TGFBR3: variants seen among roughly 807,000 people sequenced by gnomAD.
TGFBR3 encodes the protein transforming growth factor beta receptor type 3.
TGFBR3 carries 46 observed loss-of-function variants against 87.9 expected under a neutral mutation model. The ratio of observed to expected loss-of-function variants is 0.52; its 90% CI spans 0.41 to 0.67. TGFBR3 has a LOEUF of 0.67. TGFBR3 is among the 30% of genes least tolerant of loss of function. The pLI is 0.00. For missense variants in TGFBR3, 866 were observed against 1,041.9 expected, an observed-to-expected ratio of 0.83 and a Z score of 2.32; for synonymous variants, 381 against 391.6, an observed-to-expected ratio of 0.97 and a Z score of 0.32.
At chr1:91,749,294 A>T (rs284172) in intron 4 of TGFBR3, among the ~76,000 whole-genome samples, 131,457 of 152,094 alleles carry the variant, frequency 0.86, 57,000 homozygotes, top group African/African-American at 0.93. Context: ...GGCAGACGGA[A>T]GACCCCCTGA....
chr1:91,719,874 TG>T lies in TGFBR3; in HGVS notation c.1413+18del. 1 of 1,613,744 alleles carries T rather than the reference TG, an allele frequency of 6.2e-7. No individual in the cohort carries two copies. The highest frequency in any genetic ancestry group is 8.5e-7 in the Non-Finnish European group (1 of 1,179,628). ...AAAGGAGGTAGCCTCTCTTCCCTCC[TG>T]TAATCAGCTGCACCGACCTGAAAAG... On this transcript the variant is annotated intron_variant, in intron 9 of 16. Transcript: ENST00000212355.
chr1:91,702,499 A>C (rs1671656093), intron 14 of TGFBR3, among the ~76,000 whole-genome samples: 1 of 152,086 alleles, frequency 6.6e-6, no homozygotes, highest in Non-Finnish European at 1.5e-5. Context: ...ACAAAAAATA[A>C]AATAAAATAA....
At position 91,896,368 on chromosome 1, in the gene TGFBR3, G is replaced by A. The variant is rs539646811; in HGVS notation, c.-114+3269C>T. The stretch of plus-strand genomic sequence containing the variant: ...AATGTTTGCAACAACCATGAAGAGA[G>A]ATGCACCTCTAGGGCTCAATGAGAG... On this transcript the variant is annotated intron_variant, in intron 2 of 17. Transcript: ENST00000370399. Among the ~76,000 whole-genome samples the A allele has an allele frequency of 3.9e-5, 6 of 152,330 alleles. No individual in the cohort carries two copies. The East Asian group carries it at 1.2e-3, about 29-fold the overall frequency.
At chr1:91,863,772 T>TA (rs1678282794) in intron 1 of TGFBR3, 3 of 152,226 alleles carry the variant, frequency 2.0e-5, no homozygotes, top group Non-Finnish European at 4.4e-5. Context: ...ACAACGGTCT[T>TA]GTCTCAAAAG....
chr1:91,790,100 AAG>A (rs1243406577), intron 3 of TGFBR3, among the ~76,000 whole-genome samples: 1 of 151,924 alleles, frequency 6.6e-6, no homozygotes, highest in Non-Finnish European at 1.5e-5. Flanking sequence ...ACAGAGAAAA[AAG>A]AGAGAGAGAG....
At chr1:91,902,238 T>C (rs1679735728) in intron 1 of TGFBR3, among the ~76,000 whole-genome samples, 2 of 149,498 alleles carry the variant, frequency 1.3e-5, no homozygotes, top group Admixed American at 1.4e-4. Flanking sequence ...AACATAGTTC[T>C]GTTTGAAGAC....
At chr1:91,691,174 A>G (rs938739479) in intron 16 of TGFBR3, among the ~76,000 whole-genome samples, 2 of 152,154 alleles carry the variant, frequency 1.3e-5, no homozygotes, top group African/African-American at 4.8e-5. Flanking sequence ...TTAAAGGACA[A>G]GAGGTTCAAC....
intron 3 of TGFBR3, among the ~76,000 whole-genome samples, chr1:91,796,635 C>T (rs1675392281): frequency 1.3e-5 from 2 of 152,168 alleles, no homozygotes; most frequent in South Asian, 4.1e-4. Flanking sequence ...ACAGAGGACA[C>T]AGGAGGAAAT....
chr1:91,844,501 T>C (rs1187356699), intron 2 of TGFBR3, among the ~76,000 whole-genome samples: 1 of 152,244 alleles, frequency 6.6e-6, no homozygotes. Context: ...GGGTGTACCA[T>C]GTTCATGAAT....
intron 4 of TGFBR3, among the ~76,000 whole-genome samples, chr1:91,750,285 G>T (rs895857359): frequency 3.3e-5 from 5 of 152,186 alleles, no homozygotes; most frequent in Non-Finnish European, 7.4e-5. Flanking sequence ...TAGCAAGTTA[G>T]AATAAATCCC....
rs34064838 is a variant in TGFBR3, at chr1:91,683,811, C to T, written c.2484G>A (p.Ser828=). 2.4e-5 allele frequency: 39 copies of T among 1,608,750 alleles called. No homozygotes were observed. Among genetic ancestry groups the T allele is most frequent in the Admixed American group, 6.7e-5 (4 of 59,430 alleles). Residue 828 remains serine (S), a synonymous_variant, in exon 17 of 17, where the codon TCG becomes TCA. Coordinates refer to ENST00000212355, the MANE Select transcript of TGFBR3 (RefSeq NM_003243.5). ...TGCTGTGGGCAGCACTGCTGTTTTC[C>T]GAGGCTGGCGGGGAGGTGGGGACTT... ...RQQVPTSPPA[S]ENSSAAHSIG...
At chr1:91,889,941 C>T (rs1679411122), upstream of TGFBR3, among the ~76,000 whole-genome samples, 1 of 152,170 alleles carries the variant, frequency 6.6e-6, no homozygotes, top group East Asian at 1.9e-4. Flanking sequence ...GGATTACAGG[C>T]GTGAGCTGCC....
At chr1:91,706,782 C>T (rs554163360) in intron 14 of TGFBR3, among the ~76,000 whole-genome samples, 14 of 152,192 alleles carry the variant, frequency 9.2e-5, no homozygotes, top group African/African-American at 3.4e-4. Flanking sequence ...TGAATTGGGA[C>T]TCCTTTCTGG....
intron 2 of TGFBR3, among the ~76,000 whole-genome samples, chr1:91,801,799 C>T (rs1161605070): frequency 7.2e-5 from 11 of 152,194 alleles, no homozygotes; most frequent in Non-Finnish European, 1.5e-5. Flanking sequence ...CAGCATCACA[C>T]TGCTGCTGAG....
intron 3 of TGFBR3, among the ~76,000 whole-genome samples, chr1:91,760,359 T>C (rs1339913699): frequency 6.6e-6 from 1 of 152,212 alleles, no homozygotes; most frequent in Non-Finnish European, 1.5e-5. Context: ...GAGGTTGCAG[T>C]GAGCCCAGAT....
intron 3 of TGFBR3, among the ~76,000 whole-genome samples, chr1:91,762,116 T>C (rs1003666641): frequency 6.6e-6 from 1 of 152,204 alleles, no homozygotes; most frequent in East Asian, 1.9e-4. Flanking sequence ...CTGTGAAGGC[T>C]GGTAGAACCA....
chr1:91,884,894 A>G (rs1188028378), intron 1 of TGFBR3, among the ~76,000 whole-genome samples: 1 of 152,258 alleles, frequency 6.6e-6, no homozygotes, highest in Non-Finnish European at 1.5e-5. Context: ...TCGGAAGGAC[A>G]TAAAACTCAG....
In TGFBR3 at chr1:91,683,225, C is replaced by G. The variant is rs751804044; in HGVS notation, c.*514G>C. 2.2e-6 allele frequency: 1 copy of G among 454,620 alleles called. No individual in the cohort carries two copies. Among genetic ancestry groups the G allele is most frequent in the South Asian group, 1.6e-5 (1 of 64,480 alleles). 28.2% of individuals were successfully genotyped at this position (454,620 alleles called of 1,614,324 possible). On this transcript the variant is annotated 3_prime_UTR_variant, in exon 17 of 17. Coordinates refer to ENST00000212355, the MANE Select transcript of TGFBR3 (RefSeq NM_003243.5). The stretch of plus-strand genomic sequence containing the variant: ...GCAAGGTCAGAAGTGTGCATCCAGA[C>G]AAAGGTGCAAATTAGACAGGAGGAT...
At chr1:91,703,163 A>G (rs987287172) in intron 14 of TGFBR3, among the ~76,000 whole-genome samples, 4 of 152,180 alleles carry the variant, frequency 2.6e-5, no homozygotes, top group African/African-American at 9.7e-5. Context: ...CATTTCTACC[A>G]TCTTTCCACT....
Sources: allele counts gnomAD v4.1 joint callset (sites outside exome capture counted in the v4.1 genomes callset), GRCh38; gene constraint gnomAD v4.1.1; transcripts MANE v1.5; gene names NCBI Gene and HGNC (gene_info 2026-07-23, HGNC 2026-07-21).